The following DCC variants were observed in gnomAD, a reference collection of about 807,000 sequenced individuals.
The protein encoded by DCC is netrin receptor DCC.
A neutral mutation model predicts 172.5 loss-of-function variants in DCC; 58 were observed. The ratio of observed to expected loss-of-function variants is 0.34; its 90% CI spans 0.27 to 0.42. DCC has a LOEUF of 0.42. Ranked by LOEUF, DCC falls within the 10% of genes least tolerant of loss-of-function variation. The pLI is 1.00. For missense variants in DCC, 1,740 were observed against 1,791.0 expected, an observed-to-expected ratio of 0.97 and a Z score of 0.51; for synonymous variants, 709 against 644.5, an observed-to-expected ratio of 1.10 and a Z score of -1.52.
intron 14 of DCC, among the ~76,000 whole-genome samples, chr18:53,330,376 A>G (rs778756938): frequency 6.6e-6 from 1 of 152,020 alleles, no homozygotes; most frequent in African/African-American, 2.4e-5. Context: ...CCATTCAATC[A>G]CCAAGATCTG....
At chr18:52,818,856 G>A (rs2038352144) in intron 2 of DCC, among the ~76,000 whole-genome samples, 1 of 152,164 alleles carries the variant, frequency 6.6e-6, no homozygotes, top group African/African-American at 2.4e-5. Flanking sequence ...CATGACAGTG[G>A]CTAGTTAGAG....
intron 5 of DCC, among the ~76,000 whole-genome samples, chr18:52,984,180 T>A (rs945518184): frequency 6.6e-6 from 1 of 152,096 alleles, no homozygotes; most frequent in Non-Finnish European, 1.5e-5. Flanking sequence ...ACAGAATGAT[T>A]GATAGACATA....
rs150351676 is a variant in DCC, at chr18:53,499,368, C to A, written c.3969C>A (p.Ser1323Arg). Reference sequence around the variant, plus strand: ...CATCTCAGCCTGAGCATTCTAGCAGCGAGGAGGCACCAAGCAGAACCATCC... The same window carrying A: ...CATCTCAGCCTGAGCATTCTAGCAGAGAGGAGGCACCAAGCAGAACCATCC... The part of the protein sequence containing the change: ...LPPSQPEHSS[S>R]EEAPSRTIPT... The change falls in exon 27 of 29, where the codon AGC (serine) becomes AGA (arginine). Residue 1323 changes from serine (S) to arginine (R), a missense_variant. Around this residue, in one of 2 missense-constraint regions of DCC, gnomAD observed 1,732 missense variants for 1,767.4 expected, o/e 0.98. Transcript: ENST00000442544. The A allele has an allele frequency of 3.7e-6, 6 of 1,614,052 alleles. No individual in the cohort carries two copies. The highest frequency in any genetic ancestry group is 5.1e-6 in the Non-Finnish European group (6 of 1,179,996).
chr18:52,840,463 C>T (rs2038784547), intron 2 of DCC, among the ~76,000 whole-genome samples: 1 of 152,114 alleles, frequency 6.6e-6, no homozygotes, highest in Non-Finnish European at 1.5e-5. Context: ...CTCAGTAACA[C>T]CAATATTTGT....
intron 5 of DCC, among the ~76,000 whole-genome samples, chr18:53,047,276 A>ATATATAATTT (rs1568268044): frequency 0.042 from 1,347 of 32,022 alleles, 122 homozygotes; most frequent in African/African-American, 0.16. Context: ...ATATATATAT[A>ATATATAATTT]TATATATATA....
chr18:52,396,581 C>T (rs922165007), intron 1 of DCC, among the ~76,000 whole-genome samples: 12 of 152,018 alleles, frequency 7.9e-5, no homozygotes, highest in Admixed American at 2.0e-4. Context: ...GGAAAAGGCT[C>T]TCTGGTTCAA....
intron 14 of DCC, among the ~76,000 whole-genome samples, chr18:53,323,990 T>C (rs956178592): frequency 4.6e-5 from 7 of 152,180 alleles, no homozygotes; most frequent in African/African-American, 1.4e-4. Flanking sequence ...TGTCTAAGGA[T>C]GTCTAAGTCA....
chr18:53,141,016 T>C (rs983917757), intron 7 of DCC, among the ~76,000 whole-genome samples: 3 of 152,264 alleles, frequency 2.0e-5, no homozygotes, highest in Non-Finnish European at 2.9e-5. Context: ...AGATAAGTGA[T>C]GAGAATTTCA....
At chr18:52,958,386 G>T (rs547221721) in intron 5 of DCC, among the ~76,000 whole-genome samples, 1 of 152,128 alleles carries the variant, frequency 6.6e-6, no homozygotes, top group African/African-American at 2.4e-5. Flanking sequence ...GGTGTAAGTT[G>T]GAAATTTGTA....
intron 12 of DCC, among the ~76,000 whole-genome samples, chr18:53,259,063 G>C (rs919950438): frequency 2.0e-5 from 3 of 151,956 alleles, no homozygotes; most frequent in Admixed American, 2.0e-4. Flanking sequence ...CATTTGCTTG[G>C]TAGATCTTCC....
intron 21 of DCC, among the ~76,000 whole-genome samples, chr18:53,425,765 T>A (rs1002877427): frequency 6.6e-6 from 1 of 152,168 alleles, no homozygotes; most frequent in East Asian, 1.9e-4. Context: ...TGTTTATTCA[T>A]CTTTCTGAGC....
intron 1 of DCC, among the ~76,000 whole-genome samples, chr18:52,475,704 AAG>A (rs1989073379): frequency 6.6e-6 from 1 of 152,194 alleles, no homozygotes; most frequent in Non-Finnish European, 1.5e-5. Context: ...TAAAAGAGGA[AAG>A]AGGGAAGGAG....
intron 12 of DCC, among the ~76,000 whole-genome samples, chr18:53,287,415 C>G (rs1019516357): frequency 1.3e-5 from 2 of 152,094 alleles, no homozygotes; most frequent in Admixed American, 6.5e-5. Context: ...TTCACTTTTT[C>G]TGGCTATTGT....
At chr18:53,347,369 A>T (rs1292067000) in intron 15 of DCC, among the ~76,000 whole-genome samples, 1 of 152,120 alleles carries the variant, frequency 6.6e-6, no homozygotes, top group Admixed American at 6.5e-5. Flanking sequence ...ATTGTTTTGT[A>T]TCTTGTTTAG....
chr18:53,143,728 T>A (rs184282127), intron 7 of DCC, among the ~76,000 whole-genome samples: 1 of 152,374 alleles, frequency 6.6e-6, no homozygotes, highest in Non-Finnish European at 1.5e-5. Context: ...GTCAGTAATT[T>A]TAAAATGTTT....
chr18:52,367,104 ACTGCTG>A (rs1984905736), intron 1 of DCC, among the ~76,000 whole-genome samples: 1 of 152,192 alleles, frequency 6.6e-6, no homozygotes, highest in African/African-American at 2.4e-5. Context: ...GTGGGCTGGC[ACTGCTG>A]GGGGACCCAG....
At chr18:53,467,620 T>G (rs1387665464) in intron 24 of DCC, among the ~76,000 whole-genome samples, 1 of 152,198 alleles carries the variant, frequency 6.6e-6, no homozygotes, top group Non-Finnish European at 1.5e-5. Context: ...GAAAAATATA[T>G]TAATGTACGC....
At chr18:53,168,924 G>A (rs1598869341) in intron 8 of DCC, among the ~76,000 whole-genome samples, 1 of 152,114 alleles carries the variant, frequency 6.6e-6, no homozygotes, top group Admixed American at 6.6e-5. Context: ...TGGGCATGGA[G>A]TTGACAGGTT....
chr18:53,105,531 T>A (rs1333022658), intron 7 of DCC, among the ~76,000 whole-genome samples: 1 of 151,996 alleles, frequency 6.6e-6, no homozygotes, highest in East Asian at 1.9e-4. Flanking sequence ...TAATCAGATT[T>A]CAGACTACAC....
Sources: gnomAD v4.1 joint callset for allele counts (sites outside exome capture counted in the v4.1 genomes callset) on GRCh38, gnomAD v4.1.1 for gene constraint, gnomAD v4.1.1 regional missense constraint, MANE v1.5 for transcripts, NCBI Gene and HGNC (gene_info 2026-07-23, HGNC 2026-07-21) for gene names.